The following ATPSCKMT variants were observed in gnomAD, a reference collection of about 807,000 sequenced individuals.
The protein encoded by ATPSCKMT is ATP synthase c subunit lysine N-methyltransferase.
In ATPSCKMT, 24 loss-of-function variants were observed where a neutral mutation model predicts 24.3. The observed-to-expected ratio is 0.99, with a 90% confidence interval of 0.71 to 1.39. ATPSCKMT has a LOEUF of 1.39. Among genes scored for constraint, ATPSCKMT ranks in the 40% most tolerant of loss-of-function variants. The probability of loss-of-function intolerance (pLI) is 0.00; values close to 1 mark genes in which losing one functional copy is unlikely to be tolerated. For missense variants in ATPSCKMT, 311 were observed against 298.4 expected (o/e 1.04, Z -0.31); for synonymous variants, 95 against 110.5 (o/e 0.86, Z 0.88).
intron 4 of ATPSCKMT, among the ~76,000 whole-genome samples, chr5:10,229,490 G>A (rs185165499): frequency 1.1e-3 from 170 of 152,226 alleles, no homozygotes; most frequent in African/African-American, 3.7e-3. Flanking sequence ...AGTGAAGGTG[G>A]GATCCGGTGT....
chr5:10,242,141 GACA>G (rs1440854229), intron 1 of ATPSCKMT, among the ~76,000 whole-genome samples: 1 of 152,244 alleles, frequency 6.6e-6, no homozygotes, highest in African/African-American at 2.4e-5. Flanking sequence ...TTGAAAATAA[GACA>G]ACAATGAAGT....
intron 4 of ATPSCKMT, among the ~76,000 whole-genome samples, chr5:10,230,460 G>A (rs999352786): frequency 6.6e-6 from 1 of 151,944 alleles, no homozygotes; most frequent in Admixed American, 6.6e-5. Flanking sequence ...ATTGTCATAT[G>A]CTAAGTCAAG....
chr5:10,231,178 A>G (rs1383089901), intron 4 of ATPSCKMT, among the ~76,000 whole-genome samples: 1 of 152,088 alleles, frequency 6.6e-6, no homozygotes, highest in Non-Finnish European at 1.5e-5. Flanking sequence ...AGGCAACTCC[A>G]AACTTCCAGT....
intron 1 of ATPSCKMT, among the ~76,000 whole-genome samples, chr5:10,239,895 T>C (rs901340194): frequency 6.6e-6 from 1 of 152,000 alleles, no homozygotes; most frequent in African/African-American, 2.4e-5. Context: ...CTTAAATAAG[T>C]ATGGTAATAA....
Position 10,248,886 on chromosome 5 carries a change from T to G in ATPSCKMT, c.16+972A>C, listed in dbSNP as rs61148190. ...TCTAAACCTATCAAATATTAAGTCA[T>G]GATCTTGGAGGGCGGGGAGGAAGGC... On this transcript the variant is annotated intron_variant, in intron 1 of 4. Transcript: ENST00000511437. Among the ~76,000 whole-genome samples the G allele has an allele frequency of 2.8e-4, 43 of 152,272 alleles. No individual in the cohort carries two copies. The East Asian group carries it at 8.1e-3, about 29-fold the overall frequency.
At chr5:10,236,362 T>G in intron 3 of ATPSCKMT, 116 bp downstream of exon 3, 3 of 1,240,602 alleles carry the variant, frequency 2.4e-6, no homozygotes, top group South Asian at 3.3e-5. Flanking sequence ...GCCAGAATAT[T>G]CACTTGGATT....
intron 1 of ATPSCKMT, among the ~76,000 whole-genome samples, chr5:10,244,192 G>A (rs992009010): frequency 2.0e-5 from 3 of 152,144 alleles, no homozygotes; most frequent in African/African-American, 7.2e-5. Flanking sequence ...GGCATGGCTT[G>A]TGGAGCCCCA....
In ATPSCKMT at chr5:10,236,908, C is replaced by A. The variant is rs1159478992; in HGVS notation, c.307-293G>T. On this transcript the variant is annotated intron_variant, in intron 2 of 4. Coordinates refer to ENST00000511437, the MANE Select transcript of ATPSCKMT (RefSeq NM_199133.4). ...TAATTGATTCTAGGTCAGCCAACCC[C>A]CGGGGAGGTCGAACAAAACATTGCT... 4 of 1,385,728 alleles carry A rather than the reference C, an allele frequency of 2.9e-6. No individual in the cohort carries two copies. The South Asian group carries it at 4.9e-5, about 17-fold the overall frequency. The allele number at this position is 1,385,728 out of a possible 1,614,324, so 85.8% of individuals were successfully genotyped here. A position where few individuals can be genotyped will look rare whatever the true frequency, so the allele number is the denominator to read the frequency against.
intron 1 of ATPSCKMT, among the ~76,000 whole-genome samples, chr5:10,245,261 A>C (rs1225794420): frequency 1.3e-5 from 2 of 151,904 alleles, no homozygotes; most frequent in Non-Finnish European, 2.9e-5. Context: ...TCTACTAAAA[A>C]TCAAAAAAAT....
intron 1 of ATPSCKMT, 74 bp downstream of exon 1, chr5:10,249,784 C>T (rs1397316572): frequency 6.5e-7 from 1 of 1,527,078 alleles, no homozygotes; most frequent in African/African-American, 1.4e-5. Flanking sequence ...GAGACCTCAG[C>T]TGACCGCGAG....
Position 10,226,968 on chromosome 5 carries a change from T to C in ATPSCKMT, c.*473A>G, listed in dbSNP as rs767658635. 4.4e-5 allele frequency: 7 copies of C among 159,796 alleles called. No homozygotes were observed. The highest frequency in any genetic ancestry group is 8.3e-5 in the Non-Finnish European group (6 of 72,374). The allele number at this position is 159,796 out of a possible 1,614,324, so 9.9% of individuals were successfully genotyped here. A position where few individuals can be genotyped will look rare whatever the true frequency, so the allele number is the denominator to read the frequency against. ...ATTATTTCTAATAAATGTTATAAAA[T>C]ATAAACGCCTCTCTGAATCCTTTAG... On this transcript the variant is annotated 3_prime_UTR_variant, in exon 5 of 5. Transcript: ENST00000511437.
At chr5:10,234,008 A>G (rs1322763017) in intron 4 of ATPSCKMT, among the ~76,000 whole-genome samples, 2 of 152,312 alleles carry the variant, frequency 1.3e-5, no homozygotes, top group East Asian at 3.9e-4. Flanking sequence ...AGAATTATAA[A>G]TGTACAGGAT....
intron 1 of ATPSCKMT, 60 bp downstream of exon 1, chr5:10,249,798 C>T: frequency 6.5e-7 from 1 of 1,534,376 alleles, no homozygotes; most frequent in East Asian, 2.3e-5. Context: ...CCGCGAGCCC[C>T]CGGCCCGCCC....
In ATPSCKMT at chr5:10,232,211, AG is replaced by A. The variant is rs1290695220; in HGVS notation, c.495+2999del. On this transcript the variant is annotated intron_variant, in intron 4 of 4. Coordinates refer to ENST00000511437, the MANE Select transcript of ATPSCKMT (RefSeq NM_199133.4). ...AGAGTGAGACTCTGTCTCAAAAAAA[AG>A]AAAAAAAAAATTCATAACAGAATTT... is the stretch of plus-strand genomic sequence containing the variant. 6.6e-5 allele frequency among the ~76,000 whole-genome samples: 10 copies of A among 152,154 alleles called. No individual in the cohort carries two copies. The East Asian group carries it at 1.7e-3, about 26-fold the overall frequency.
intron 1 of ATPSCKMT, among the ~76,000 whole-genome samples, 160 bp from the exon 2 acceptor site, chr5:10,239,516 T>C (rs1164711019): frequency 2.0e-5 from 3 of 152,226 alleles, no homozygotes; most frequent in African/African-American, 7.2e-5. Context: ...CCACAATTAG[T>C]TCTAAATCCT....
At chr5:10,243,454 A>G (rs2607308) in intron 1 of ATPSCKMT, among the ~76,000 whole-genome samples, 39,959 of 151,982 alleles carry the variant, frequency 0.26, 6,688 homozygotes, top group East Asian at 0.72. Context: ...TCTAGCCTGG[A>G]TGACAGAGCG....
Position 10,225,972 on chromosome 5 carries a change from C to T in ATPSCKMT, c.*1469G>A, listed in dbSNP as rs1206770613. On this transcript the variant is annotated 3_prime_UTR_variant, in exon 5 of 5. Coordinates refer to ENST00000511437, the MANE Select transcript of ATPSCKMT (RefSeq NM_199133.4). ...GAGCTGCCCTCCCACTAAAGTCACA[C>T]ACCACAGAAAGAACTCATTCTTCAT... Among the ~76,000 whole-genome samples the T allele has an allele frequency of 6.6e-6, 1 of 152,170 alleles. No homozygotes were observed. Among genetic ancestry groups the T allele is most frequent in the Non-Finnish European group, 1.5e-5 (1 of 68,042 alleles).
chr5:10,239,372 G>A lies in ATPSCKMT; in HGVS notation c.17-16C>T. On this transcript the variant is annotated splice_polypyrimidine_tract_variant and intron_variant, in intron 1 of 4. Coordinates refer to ENST00000511437, the MANE Select transcript of ATPSCKMT (RefSeq NM_199133.4). ...AGGGGTATACCTAGATTGAAAGCAA[G>A]CAGAAGAGACACATGTAGCACCAAA... The A allele has an allele frequency of 6.3e-7, 1 of 1,594,090 alleles. No individual in the cohort carries two copies. Among genetic ancestry groups the A allele is most frequent in the Non-Finnish European group, 8.6e-7 (1 of 1,168,032 alleles).
At chr5:10,242,042 T>C (rs1744668419) in intron 1 of ATPSCKMT, among the ~76,000 whole-genome samples, 1 of 152,222 alleles carries the variant, frequency 6.6e-6, no homozygotes, top group African/African-American at 2.4e-5. Flanking sequence ...TCATAATCTT[T>C]TCACTGGTGT....
Sources: gnomAD v4.1 joint callset for allele counts (sites outside exome capture counted in the v4.1 genomes callset) on GRCh38, gnomAD v4.1.1 for gene constraint, MANE v1.5 for transcripts, NCBI Gene and HGNC (gene_info 2026-07-23, HGNC 2026-07-21) for gene names.